DIAPH3: variants seen among roughly 807,000 people sequenced by gnomAD.
DIAPH3 encodes protein diaphanous homolog 3.
Under a neutral mutation model 144.3 loss-of-function variants are expected in DIAPH3, and 117 were observed. The ratio of observed to expected loss-of-function variants is 0.81; its 90% confidence interval spans 0.70 to 0.95. The LOEUF (loss-of-function observed/expected upper bound fraction) is 0.95. Ranked by LOEUF, DIAPH3 falls within the 40% of genes least tolerant of loss-of-function variation. The pLI is 0.00. For missense variants in DIAPH3, 1,421 were observed against 1,412.7 expected (o/e 1.01, Z -0.09); for synonymous variants, 519 against 488.9 (o/e 1.06, Z -0.81).
chr13:59,937,360 G>A (rs1056115532), intron 17 of DIAPH3, among the ~76,000 whole-genome samples: 1 of 152,174 alleles, frequency 6.6e-6, no homozygotes, highest in Non-Finnish European at 1.5e-5. Flanking sequence ...AGAACTCAGT[G>A]TACATTCCTA....
intron 27 of DIAPH3, among the ~76,000 whole-genome samples, chr13:59,772,621 A>G (rs758465751): frequency 1.2e-4 from 18 of 152,140 alleles, no homozygotes; most frequent in Non-Finnish European, 2.5e-4. Context: ...TACTAATATT[A>G]TAGTCACAAG....
At chr13:59,966,104 T>C (rs78552143) in intron 17 of DIAPH3, among the ~76,000 whole-genome samples, 1 of 151,612 alleles carries the variant, frequency 6.6e-6, no homozygotes, top group Non-Finnish European at 1.5e-5. Flanking sequence ...TAAAAGAAAA[T>C]GATGTAAGTG....
intron 22 of DIAPH3, among the ~76,000 whole-genome samples, chr13:59,856,689 G>A (rs796379730): frequency 5.9e-5 from 9 of 152,206 alleles, no homozygotes; most frequent in East Asian, 1.9e-4. Context: ...ACATAGTCAA[G>A]TTCTGACATA....
chr13:59,776,444 T>C (rs2038416759), intron 25 of DIAPH3, among the ~76,000 whole-genome samples: 2 of 152,110 alleles, frequency 1.3e-5, no homozygotes, highest in South Asian at 4.1e-4. Context: ...AATTCAACTA[T>C]ATTTTTCCTT....
At chr13:59,823,103 G>A (rs556830057) in intron 24 of DIAPH3, among the ~76,000 whole-genome samples, 1 of 152,278 alleles carries the variant, frequency 6.6e-6, no homozygotes, top group South Asian at 2.1e-4. Context: ...TACTGAAAAT[G>A]TGGAAAAGAA....
chr13:60,000,162 C>T (rs530690756), intron 9 of DIAPH3, among the ~76,000 whole-genome samples: 1 of 152,008 alleles, frequency 6.6e-6, no homozygotes. Context: ...ACACCAATAG[C>T]CTGGATTATA....
At chr13:60,115,180 G>T (rs1335073854) in intron 2 of DIAPH3, among the ~76,000 whole-genome samples, 1 of 152,072 alleles carries the variant, frequency 6.6e-6, no homozygotes, top group Admixed American at 6.5e-5. Context: ...CTGCTGAAAT[G>T]GTGACCAACA....
Position 59,911,812 on chromosome 13 carries a change from G to C in DIAPH3, c.2290C>G (p.Gln764Glu), listed in dbSNP as rs2047008871. 6.2e-7 allele frequency: 1 copy of C among 1,612,572 alleles called. No homozygotes were observed. The highest frequency in any genetic ancestry group is 8.5e-7 in the Non-Finnish European group (1 of 1,178,814). Residue 764 changes from glutamine (Q) to glutamate (E), a missense_variant, in exon 20 of 28, where the codon CAA becomes GAA. Transcript: ENST00000400324. ...IQNLIKHLPD[Q>E]EQLNSLSQFK... ...TGAGACAATGAATTTAATTGCTCTT[G>C]ATCAGGAAGATGCTTTATTAAGTTC...
intron 17 of DIAPH3, among the ~76,000 whole-genome samples, chr13:59,937,175 AC>A (rs1384769359): frequency 5.9e-5 from 9 of 152,044 alleles, no homozygotes; most frequent in South Asian, 4.2e-4. Flanking sequence ...AAAAAAAAAA[AC>A]ATAATAATAA....
intron 1 of DIAPH3, 28 bp from the exon 2 acceptor site, chr13:60,133,017 T>C: frequency 6.5e-7 from 1 of 1,529,930 alleles, no homozygotes; most frequent in Non-Finnish European, 9.0e-7. Context: ...GCAATCATAT[T>C]AGTAATTTAT....
At chr13:60,014,063 C>G (rs945765595) in intron 7 of DIAPH3, among the ~76,000 whole-genome samples, 4 of 152,064 alleles carry the variant, frequency 2.6e-5, no homozygotes, top group Non-Finnish European at 5.9e-5. Context: ...TCCTCAGATT[C>G]ATTATGAAAC....
intron 24 of DIAPH3, among the ~76,000 whole-genome samples, chr13:59,824,268 A>G (rs2041245441): frequency 6.6e-6 from 1 of 152,196 alleles, no homozygotes; most frequent in South Asian, 2.1e-4. Context: ...TTGAGGGTAT[A>G]TGTATGTTAT....
chr13:59,909,610 A>T (rs2046897767), intron 20 of DIAPH3, among the ~76,000 whole-genome samples: 1 of 152,220 alleles, frequency 6.6e-6, no homozygotes, highest in African/African-American at 2.4e-5. Context: ...CCAGAACCGA[A>T]AACAATTTGT....
chr13:59,924,187 CCTT>C (rs976006255), intron 18 of DIAPH3, among the ~76,000 whole-genome samples: 6 of 152,112 alleles, frequency 3.9e-5, no homozygotes, highest in African/African-American at 9.7e-5. Context: ...AAACTATTTG[CCTT>C]CTTCTCTCAC....
At chr13:59,769,220 A>G (rs2038000882) in intron 27 of DIAPH3, among the ~76,000 whole-genome samples, 1 of 152,156 alleles carries the variant, frequency 6.6e-6, no homozygotes, top group East Asian at 1.9e-4. Context: ...AGTAGGAATT[A>G]ATGTATCCTG....
At chr13:60,110,545 C>T (rs907018284) in intron 3 of DIAPH3, among the ~76,000 whole-genome samples, 2 of 152,172 alleles carry the variant, frequency 1.3e-5, no homozygotes, top group Non-Finnish European at 2.9e-5. Context: ...GCTTCAGAAT[C>T]AATAGCAGTT....
intron 15 of DIAPH3, among the ~76,000 whole-genome samples, chr13:59,971,480 G>A (rs1268360870): frequency 3.9e-5 from 6 of 152,244 alleles, no homozygotes; most frequent in African/African-American, 1.4e-4. Context: ...AGTAGTCTCT[G>A]GAGAACAGTT....
intron 27 of DIAPH3, among the ~76,000 whole-genome samples, chr13:59,749,209 CAAAAAAAAAAA>C (rs71197276): frequency 5.2e-4 from 13 of 25,112 alleles, no homozygotes; most frequent in African/African-American, 2.2e-3. Context: ...GACTCTGTCT[CAAAAAAAAAAA>C]AAAAAAAAAA....
chr13:59,791,798 C>T (rs2039339528), intron 25 of DIAPH3, among the ~76,000 whole-genome samples: 1 of 152,168 alleles, frequency 6.6e-6, no homozygotes, highest in Admixed American at 6.5e-5. Flanking sequence ...AGATGCAGGT[C>T]ATTCACAGAT....
Sources: gnomAD v4.1 joint callset for allele counts (sites outside exome capture counted in the v4.1 genomes callset) on GRCh38, gnomAD v4.1.1 for gene constraint, MANE v1.5 for transcripts, NCBI Gene and HGNC (gene_info 2026-07-23, HGNC 2026-07-21) for gene names.